PSMC6: variants seen among roughly 807,000 people sequenced by gnomAD.
The protein encoded by PSMC6 is 26S proteasome regulatory subunit 10B.
In PSMC6, 3 loss-of-function variants were observed where a neutral mutation model predicts 55.9. That is an observed-to-expected ratio of 0.05 (90% CI 0.02 to 0.14). The LOEUF (loss-of-function observed/expected upper bound fraction) is 0.14. Among genes scored for constraint, PSMC6 ranks in the 10% least tolerant of loss-of-function variants. The pLI is 1.00. For missense variants in PSMC6, 210 were observed against 478.7 expected (o/e 0.44, Z 5.24); for synonymous variants, 137 against 155.9 (o/e 0.88, Z 0.90).
chr14:52,719,138 A>G (rs1279919066), intron 10 of PSMC6, 100 bp downstream of exon 10: 2 of 1,016,260 alleles, frequency 2.0e-6, no homozygotes, highest in Middle Eastern at 2.1e-4. Flanking sequence ...AACATTTTAA[A>G]TGAAATATGA....
intron 7 of PSMC6, among the ~76,000 whole-genome samples, chr14:52,715,336 A>G (rs562499337): frequency 8.1e-4 from 124 of 152,186 alleles, no homozygotes; most frequent in Non-Finnish European, 1.5e-3. Context: ...AGCTGAATTC[A>G]TTGCTTTTTA....
intron 4 of PSMC6, chr14:52,709,510 T>C (rs2041742571): frequency 4.6e-6 from 2 of 436,508 alleles, no homozygotes; most frequent in Admixed American, 5.5e-5. Context: ...ATATAAGCGG[T>C]TGACATTTTC....
chr14:52,718,868 A>G, intron 9 of PSMC6, 109 bp from the exon 10 acceptor site: 2 of 844,332 alleles, frequency 2.4e-6, no homozygotes, highest in Non-Finnish European at 3.8e-6. Flanking sequence ...CTTGCTCTTT[A>G]ATTTTCATCT....
chr14:52,727,107 G>C (rs377049880), intron 13 of PSMC6, among the ~76,000 whole-genome samples: 2 of 132,222 alleles, frequency 1.5e-5, no homozygotes, highest in Non-Finnish European at 3.1e-5. Flanking sequence ...TGCAACCTCC[G>C]CCTCCTGGGT....
intron 3 of PSMC6, 71 bp from the exon 4 acceptor site, chr14:52,708,693 C>G: frequency 6.3e-7 from 1 of 1,596,306 alleles, no homozygotes; most frequent in East Asian, 2.2e-5. Context: ...CAACTAAACC[C>G]TCTGTCAACG....
rs2041737487 is a variant in PSMC6, at chr14:52,709,185, G to A, written c.258+369G>A. ...TAGACATTCAGAACTGTTACTTATG[G>A]ACTGTACCATGGCCTAAGTTAATTT... On this transcript the variant is annotated intron_variant, in intron 4 of 13. Coordinates refer to ENST00000445930, the MANE Select transcript of PSMC6 (RefSeq NM_002806.5). The A allele has an allele frequency of 3.5e-5, 7 of 201,226 alleles. No individual in the cohort carries two copies. The South Asian group carries it at 5.4e-4, about 16-fold the overall frequency. The allele number at this position is 201,226 out of a possible 1,614,324, so 12.5% of individuals were successfully genotyped here.
At chr14:52,708,838 G>C (rs372421447) in intron 4 of PSMC6, 22 bp downstream of exon 4, 86 of 1,609,346 alleles carry the variant, frequency 5.3e-5, no homozygotes, top group Non-Finnish European at 6.6e-5. Context: ...TATTTGTATA[G>C]TGCCTGATGA....
chr14:52,710,566 C>G (rs930182449), intron 4 of PSMC6: 1 of 164,082 alleles, frequency 6.1e-6, no homozygotes, highest in Admixed American at 6.2e-5. Context: ...GTAATGTGTT[C>G]AGCATGTGCC....
At position 52,720,222 on chromosome 14, in the gene PSMC6, C is replaced by CAAA. The variant is rs34123680; in HGVS notation, c.778-619_778-617dup. On this transcript the variant is annotated intron_variant, in intron 10 of 13. Transcript: ENST00000445930. ...GGGTGACAGAGCGAGAGTCTGTCTC[C>CAAA]AAAAAAAAAAAAAAAAAAAAAAGCA... Among the ~76,000 whole-genome samples, 55 of 62,356 alleles carry CAAA rather than the reference C, an allele frequency of 8.8e-4. 1 individual carries two copies. Among genetic ancestry groups the CAAA allele is most frequent in the East Asian group, 2.7e-3 (6 of 2,256 alleles). The allele number at this position is 62,356 out of a possible 152,430, so 40.9% of individuals were successfully genotyped here. A position where few individuals can be genotyped will look rare whatever the true frequency, so the allele number is the denominator to read the frequency against.
At chr14:52,722,685 G>A (rs1232068169) in intron 12 of PSMC6, 2 of 152,130 alleles carry the variant, frequency 1.3e-5, no homozygotes, top group Non-Finnish European at 2.9e-5. Context: ...TGGAAGTGAG[G>A]GATTGGACTA....
chr14:52,708,189 A>G, intron 1 of PSMC6, 120 bp from the exon 2 acceptor site: 2 of 783,080 alleles, frequency 2.6e-6, no homozygotes, highest in Non-Finnish European at 4.2e-6. Flanking sequence ...GGTTTGAAAC[A>G]GTGGATGTGA....
In PSMC6 at chr14:52,710,562, T is replaced by C. The variant is rs141069617; in HGVS notation, c.259-539T>C. The C allele has an allele frequency of 2.9e-3, 453 of 158,336 alleles. 2 individuals are homozygous for C. Among genetic ancestry groups the C allele is most frequent in the African/African-American group, 0.011 (439 of 41,604 alleles). The allele number at this position is 158,336 out of a possible 1,614,324, so 9.8% of individuals were successfully genotyped here. ...GTATGATTCAACCTAATGTGTAATG[T>C]GTTCAGCATGTGCCTGTCATGTAGC... On this transcript the variant is annotated intron_variant, in intron 4 of 13. Coordinates refer to ENST00000445930, the MANE Select transcript of PSMC6 (RefSeq NM_002806.5).
intron 12 of PSMC6, chr14:52,722,671 T>A (rs963251278): frequency 1.3e-5 from 2 of 152,190 alleles, no homozygotes; most frequent in African/African-American, 4.8e-5. Flanking sequence ...AAAGTCATTA[T>A]CTATGGAAGT....
chr14:52,708,580 T>C (rs1205520504), intron 3 of PSMC6, 58 bp downstream of exon 3: 2 of 1,565,162 alleles, frequency 1.3e-6, no homozygotes, highest in Non-Finnish European at 1.8e-6. Flanking sequence ...TCTCTCACTT[T>C]TGAAATGCTT....
chr14:52,717,569 G>A (rs916920754), intron 7 of PSMC6, among the ~76,000 whole-genome samples: 5 of 151,446 alleles, frequency 3.3e-5, no homozygotes, highest in South Asian at 2.1e-4. Flanking sequence ...TGATCTGCCC[G>A]CCTCAGCCTC....
Position 52,717,084 on chromosome 14 carries a change from A to G in PSMC6, c.530-997A>G, listed in dbSNP as rs76679757. On this transcript the variant is annotated intron_variant, in intron 7 of 13. Coordinates refer to ENST00000445930, the MANE Select transcript of PSMC6 (RefSeq NM_002806.5). Reference sequence around the variant, plus strand: ...TGACATATTGCATAGCATGGTGACTATAATTAATAATGTATTAGCTATTTC... The same window carrying G: ...TGACATATTGCATAGCATGGTGACTGTAATTAATAATGTATTAGCTATTTC... Among the ~76,000 whole-genome samples, 787 of 152,306 alleles carry G rather than the reference A, an allele frequency of 5.2e-3. 6 individuals are homozygous for G. The highest frequency in any genetic ancestry group is 0.046 in the East Asian group (238 of 5,176).
At chr14:52,708,997 G>C (rs1480932444) in intron 4 of PSMC6, 181 bp downstream of exon 4, 1 of 751,934 alleles carries the variant, frequency 1.3e-6, no homozygotes, top group Non-Finnish European at 2.0e-6. Context: ...TTGACTCCTG[G>C]CATTCCGTAC....
intron 7 of PSMC6, among the ~76,000 whole-genome samples, chr14:52,715,750 G>A (rs2041823868): frequency 6.6e-6 from 1 of 151,520 alleles, no homozygotes; most frequent in Non-Finnish European, 1.5e-5. Flanking sequence ...CTGAGTAGCT[G>A]GTACTACAGG....
chr14:52,723,713 A>G, intron 12 of PSMC6: 1 of 760,466 alleles, frequency 1.3e-6, no homozygotes, highest in East Asian at 3.7e-5. Context: ...GTATAAAAAT[A>G]GATTAAGATA....
Sources: allele counts gnomAD v4.1 joint callset (sites outside exome capture counted in the v4.1 genomes callset), GRCh38; gene constraint gnomAD v4.1.1; transcripts MANE v1.5; gene names NCBI Gene and HGNC (gene_info 2026-07-23, HGNC 2026-07-21).